The following DUS2 variants were observed in gnomAD, a reference collection of about 807,000 sequenced individuals.
The protein encoded by DUS2 is tRNA-dihydrouridine(20) synthase [NAD(P)+]-like.
DUS2 carries 52 observed loss-of-function variants against 71.3 expected under a neutral mutation model. The observed-to-expected ratio is 0.73, with a 90% CI of 0.58 to 0.92. The LOEUF (loss-of-function observed/expected upper bound fraction) is 0.92. Among genes scored for constraint, DUS2 ranks in the 40% least tolerant of loss-of-function variants. The pLI is 0.00. For missense variants in DUS2, 558 were observed against 622.6 expected (o/e 0.90, Z 1.10); for synonymous variants, 204 against 227.8 (o/e 0.90, Z 0.94).
intron 5 of DUS2, chr16:68,053,924 G>A (rs2033814624): frequency 6.9e-6 from 3 of 436,130 alleles, no homozygotes; most frequent in Non-Finnish European, 1.2e-5. Flanking sequence ...TGTTTGGCAT[G>A]ATTTCTCTAT....
intron 10 of DUS2, among the ~76,000 whole-genome samples, chr16:68,068,051 T>C (rs1598316870): frequency 6.6e-6 from 1 of 152,246 alleles, no homozygotes; most frequent in African/African-American, 2.4e-5. Context: ...GTAGCTAATG[T>C]ACTCTATGCT....
chr16:68,056,556 G>A lies in DUS2; in HGVS notation c.369+132G>A, dbSNP rs530096198. On this transcript the variant is annotated intron_variant, in intron 7 of 16. Coordinates refer to ENST00000565263, the MANE Select transcript of DUS2 (RefSeq NM_017803.5). The stretch of plus-strand genomic sequence containing the variant: ...TGGGGAAAATGCTCAAAAAGATATC[G>A]TTAGATGAACTGACAACATTAGAAT... The A allele has an allele frequency of 5.1e-4, 350 of 680,060 alleles. 1 individual carries two copies. Among genetic ancestry groups the A allele is most frequent in the Middle Eastern group, 4.6e-3 (12 of 2,606 alleles). 42.1% of individuals were successfully genotyped at this position (680,060 alleles called of 1,614,324 possible).
At chr16:68,040,609 C>G (rs1030799004) in intron 3 of DUS2, among the ~76,000 whole-genome samples, 1 of 152,100 alleles carries the variant, frequency 6.6e-6, no homozygotes, top group Non-Finnish European at 1.5e-5. Flanking sequence ...TACAAATAAA[C>G]AAAGGGGTAT....
chr16:68,073,449 CTTT>C (rs1213508148), intron 12 of DUS2, among the ~76,000 whole-genome samples: 7 of 111,826 alleles, frequency 6.3e-5, no homozygotes, highest in Admixed American at 1.8e-4. Flanking sequence ...TTTTCTTTTT[CTTT>C]TTTTTTTTTT....
rs1397495183 is a variant in DUS2, at chr16:68,066,387, G to A, written c.483+5G>A. The A allele has an allele frequency of 6.2e-7, 1 of 1,613,762 alleles. No homozygotes were observed. Among genetic ancestry groups the A allele is most frequent in the Admixed American group, 1.7e-5 (1 of 60,002 alleles). ...AAGATTCGCATCCTGCCATCGGTAA[G>A]GATGGTGTGTTACATATGAAGGTCC... On this transcript the variant is annotated splice_donor_5th_base_variant and intron_variant, in intron 9 of 16. Coordinates refer to ENST00000565263, the MANE Select transcript of DUS2 (RefSeq NM_017803.5).
chr16:68,061,000 C>G (rs1721688098), intron 7 of DUS2, 66 bp from the exon 8 acceptor site: 1 of 1,527,524 alleles, frequency 6.5e-7, no homozygotes, highest in East Asian at 2.2e-5. Context: ...TTGCCAGACC[C>G]CATCCCATGG....
At chr16:68,069,318 G>T (rs2034052421) in intron 10 of DUS2, among the ~76,000 whole-genome samples, 1 of 152,176 alleles carries the variant, frequency 6.6e-6, no homozygotes, top group Admixed American at 6.5e-5. Flanking sequence ...AACCCAGGAG[G>T]TGGAGGTTGC....
At chr16:68,059,594 C>T (rs375443702) in intron 7 of DUS2, among the ~76,000 whole-genome samples, 22 of 152,322 alleles carry the variant, frequency 1.4e-4, no homozygotes, top group African/African-American at 4.8e-4. Context: ...CCAGGCTCAG[C>T]CTGGCCGAGT....
intron 1 of DUS2, chr16:68,023,802 C>G (rs2033297941): frequency 6.0e-6 from 1 of 167,052 alleles, no homozygotes. Context: ...GGTTTTATTT[C>G]AAGTTGGGTC....
At position 68,078,945 on chromosome 16, in the gene DUS2, G is replaced by C; in HGVS notation, c.1441G>C (p.Ala481Pro). 6 of 1,593,604 alleles carry C rather than the reference G, an allele frequency of 3.8e-6. No homozygotes were observed. The highest frequency in any genetic ancestry group is 5.1e-6 in the Non-Finnish European group (6 of 1,167,170). The change falls in exon 17 of 17, where the codon GCC (alanine) becomes CCC (proline). Residue 481 changes from alanine (A) to proline (P), a missense_variant. Transcript: ENST00000565263. ...GGATCTGTGCAAGAAGCCCTTTGTG[G>C]CCTTGGGAAGTGGTGAAGAAAGCCC... ...PGDLCKKPFV[A>P]LGSGEESPLE...
At chr16:68,049,613 C>CT in intron 4 of DUS2, 63 bp downstream of exon 4, 1 of 1,480,162 alleles carries the variant, frequency 6.8e-7, no homozygotes, top group Non-Finnish European at 9.5e-7. Flanking sequence ...AGCACTACCA[C>CT]TGCCCTTGCC....
intron 3 of DUS2, among the ~76,000 whole-genome samples, chr16:68,044,069 C>T (rs1480814195): frequency 2.0e-5 from 3 of 152,168 alleles, no homozygotes; most frequent in Admixed American, 6.5e-5. Flanking sequence ...TATGCCAGTA[C>T]CACAGCCTTT....
intron 8 of DUS2, among the ~76,000 whole-genome samples, chr16:68,064,603 A>G (rs144586784): frequency 6.6e-6 from 1 of 152,350 alleles, no homozygotes; most frequent in Non-Finnish European, 1.5e-5. Context: ...GACTAGAATG[A>G]GAATTTTTAT....
At position 68,036,800 on chromosome 16, in the gene DUS2, C is replaced by G. The variant is rs1001244607; in HGVS notation, c.-18-1206C>G. On this transcript the variant is annotated intron_variant, in intron 2 of 16. Coordinates refer to ENST00000565263, the MANE Select transcript of DUS2 (RefSeq NM_017803.5). Reference sequence around the variant, plus strand: ...GTTCCTCTAACACAGTAGGCAATCTCTTGCCTCAGGACCTTTGCATTGGTT... The same window carrying G: ...GTTCCTCTAACACAGTAGGCAATCTGTTGCCTCAGGACCTTTGCATTGGTT... Among the ~76,000 whole-genome samples, 5 of 152,168 alleles carry G rather than the reference C, an allele frequency of 3.3e-5. No homozygotes were observed. In the South Asian group the frequency reaches 1.0e-3, roughly 32 times the overall value.
intron 2 of DUS2, among the ~76,000 whole-genome samples, chr16:68,030,673 A>C (rs1327973029): frequency 6.6e-6 from 1 of 152,272 alleles, no homozygotes; most frequent in South Asian, 2.1e-4. Flanking sequence ...CATGGCTTGC[A>C]TGTTTTGCAT....
intron 5 of DUS2, among the ~76,000 whole-genome samples, 176 bp from the exon 6 acceptor site, chr16:68,054,398 C>T (rs1436406885): frequency 6.6e-6 from 1 of 152,092 alleles, no homozygotes; most frequent in Non-Finnish European, 1.5e-5. Context: ...CCAAGTCCAC[C>T]TTTTTCTGCT....
At chr16:68,073,450 T>TC (rs535071302) in intron 12 of DUS2, among the ~76,000 whole-genome samples, 1 of 115,016 alleles carries the variant, frequency 8.7e-6, no homozygotes, top group African/African-American at 4.2e-5. Context: ...TTTCTTTTTC[T>TC]TTTTTTTTTT....
chr16:68,053,025 C>T (rs1004831028), intron 4 of DUS2, among the ~76,000 whole-genome samples: 1 of 151,392 alleles, frequency 6.6e-6, no homozygotes, highest in African/African-American at 2.4e-5. Flanking sequence ...TGCAATGGCG[C>T]GATCTCGGCT....
At chr16:68,049,422 C>A in intron 3 of DUS2, 83 bp from the exon 4 acceptor site, 5 of 1,449,162 alleles carry the variant, frequency 3.5e-6, no homozygotes, top group Non-Finnish European at 3.9e-6. Flanking sequence ...GCCAAGCGAT[C>A]CTCATTAGGT....
Sources: allele counts gnomAD v4.1 joint callset (sites outside exome capture counted in the v4.1 genomes callset), GRCh38; gene constraint gnomAD v4.1.1; transcripts MANE v1.5; gene names NCBI Gene and HGNC (gene_info 2026-07-23, HGNC 2026-07-21).